Variants in LAMA4 observed in about 807,000 individuals in gnomAD.
The protein encoded by LAMA4 is laminin subunit alpha-4.
In LAMA4, 127 loss-of-function variants were observed where a neutral mutation model predicts 207.1. That is an observed-to-expected ratio of 0.61 (90% CI 0.53 to 0.71). LAMA4 has a LOEUF of 0.71. Among genes scored for constraint, LAMA4 ranks in the 30% least tolerant of loss-of-function variants. The probability of loss-of-function intolerance (pLI) is 0.00; values close to 1 mark genes in which losing one functional copy is unlikely to be tolerated. For synonymous variants in LAMA4, 761 were observed against 816.0 expected (o/e 0.93, Z 1.15); for missense variants, 2,093 against 2,246.5 (o/e 0.93, Z 1.38).
rs1778390841 is a variant in LAMA4, at chr6:112,122,008, C to T, written c.4475+6G>A. ...AGGAGTCTAGGAGTATAGTGTGTTA[C>T]TTTACTTGGCACCAAAATCTCCTTT... On this transcript the variant is annotated splice_donor_region_variant and intron_variant, in intron 32 of 38. Coordinates refer to ENST00000230538, the MANE Select transcript of LAMA4 (RefSeq NM_001105206.3). 2 of 1,613,378 alleles carry T rather than the reference C, an allele frequency of 1.2e-6. No individual in the cohort carries two copies. The highest frequency in any genetic ancestry group is 1.7e-6 in the Non-Finnish European group (2 of 1,179,422).
intron 31 of LAMA4, among the ~76,000 whole-genome samples, chr6:112,127,494 T>C (rs782415728): frequency 1.7e-4 from 26 of 151,854 alleles, no homozygotes; most frequent in South Asian, 2.1e-4. Context: ...CTAGGAATAG[T>C]TGGGAGGCCA....
At position 112,224,795 on chromosome 6, in the gene LAMA4, G is replaced by A. The variant is rs1249471714; in HGVS notation, c.196-8326C>T. Among the ~76,000 whole-genome samples the A allele has an allele frequency of 1.7e-4, 22 of 128,926 alleles. No homozygotes were observed. In the Admixed American group the frequency reaches 2.0e-3, roughly 12 times the overall value. 84.6% of individuals were successfully genotyped at this position (128,926 alleles called of 152,430 possible). On this transcript the variant is annotated intron_variant, in intron 2 of 38. Transcript: ENST00000230538. ...TGCGCCATTGCACTCCAGCCTGGGC[G>A]ACAGAGCAAGACTGTCTCAAAAAAA...
At chr6:112,234,706 A>T (rs545373536) in intron 2 of LAMA4, 5 of 152,314 alleles carry the variant, frequency 3.3e-5, no homozygotes, top group African/African-American at 1.2e-4. Flanking sequence ...AATGGAAGAG[A>T]AGACAAAAAA....
At chr6:112,175,606 A>G in intron 10 of LAMA4, 126 bp from the exon 11 acceptor site, 1 of 916,044 alleles carries the variant, frequency 1.1e-6, no homozygotes, top group Non-Finnish European at 1.8e-6. Flanking sequence ...GACTCATTCA[A>G]AAGCAGCGTG....
chr6:112,191,721 A>G lies in LAMA4; in HGVS notation c.633T>C (p.Asn211=), dbSNP rs782555068. ...TGAATCCGGTGGTGTTGCGTAAGCA[A>G]TTCCTACACTGGCCAGTGACTTCAT... The part of the protein sequence containing the change: ...DCDEVTGQCR[N]CLRNTTGFKC... Residue 211 remains asparagine (N), a synonymous_variant, in exon 6 of 39, where the codon AAT becomes AAC. Transcript: ENST00000230538. 6.2e-6 allele frequency: 10 copies of G among 1,613,966 alleles called. No individual in the cohort carries two copies. The East Asian group carries it at 1.3e-4, about 22-fold the overall frequency.
At chr6:112,119,485 AG>A (rs1397544728) in intron 33 of LAMA4, among the ~76,000 whole-genome samples, 174 bp from the exon 34 acceptor site, 6 of 152,144 alleles carry the variant, frequency 3.9e-5, no homozygotes, top group Non-Finnish European at 8.8e-5. Context: ...TCTGTTTAGT[AG>A]GCTTCTGGCA....
At chr6:112,177,218 T>C (rs972000975) in intron 10 of LAMA4, among the ~76,000 whole-genome samples, 2 of 152,224 alleles carry the variant, frequency 1.3e-5, no homozygotes, top group Admixed American at 6.5e-5. Flanking sequence ...TTATTGTTTA[T>C]AATAGACATC....
rs145897390 is a variant in LAMA4 at position 112,109,565 on chromosome 6, G to A, written c.5344C>T (p.Arg1782Cys). 1.6e-4 allele frequency: 261 copies of A among 1,614,076 alleles called. 1 individual carries two copies. Among genetic ancestry groups the A allele is most frequent in the African/African-American group, 1.1e-3 (85 of 75,030 alleles). The change falls in exon 39 of 39, where the codon CGC (arginine) becomes TGC (cysteine). Residue 1782 changes from arginine (R) to cysteine (C), a missense_variant. Arg to Cys is a radical substitution (Grantham distance 180, BLOSUM62 -3). This residue lies in a region of LAMA4 where 383 missense variants were observed against 437.8 expected (regional missense o/e 0.87). Coordinates refer to ENST00000230538, the MANE Select transcript of LAMA4 (RefSeq NM_001105206.3). ...GTGAAGGGTTTGCTGGGGGCCAAGC[G>A]TGGTGTCAGTAGAGATTCTGAAAAG... The part of the protein sequence containing the change: ...GGVPESLLTP[R>C]LAPSKPFTGC...
chr6:112,202,460 G>A (rs929849210), intron 4 of LAMA4, among the ~76,000 whole-genome samples: 1 of 151,988 alleles, frequency 6.6e-6, no homozygotes, highest in Non-Finnish European at 1.5e-5. Flanking sequence ...GTGTGTGTGT[G>A]TGTGTATGTA....
chr6:112,196,802 A>G (rs1783445081), intron 5 of LAMA4, among the ~76,000 whole-genome samples: 1 of 152,204 alleles, frequency 6.6e-6, no homozygotes, highest in African/African-American at 2.4e-5. Context: ...GAACATGAAA[A>G]GTGCTGTTGC....
rs200177134 is a variant in LAMA4 at position 112,114,132 on chromosome 6, G to A, written c.5270C>T (p.Pro1757Leu). The change falls in exon 38 of 39, where the codon CCC becomes CTC. Residue 1757 changes from proline (P) to leucine (L), a missense_variant. Pro to Leu is a moderately conservative substitution (Grantham distance 98). This residue lies in a region of LAMA4 where 383 missense variants were observed against 437.8 expected (regional missense o/e 0.87). Coordinates refer to ENST00000230538, the MANE Select transcript of LAMA4 (RefSeq NM_001105206.3). ...GTGATCAATTGGTTTTGGATTCAGG[G>A]GTCCAACCACATGGTTCACTTCAGA... ...VDSEVNHVVG[P>L]LNPKPIDHRE... 2.6e-4 allele frequency: 426 copies of A among 1,613,702 alleles called. 4 individuals carry two copies. Among genetic ancestry groups the A allele is most frequent in the South Asian group, 2.0e-3 (179 of 91,062 alleles).
At chr6:112,196,421 T>C (rs1783422528) in intron 5 of LAMA4, 1 of 152,146 alleles carries the variant, frequency 6.6e-6, no homozygotes, top group Non-Finnish European at 1.5e-5. Context: ...TCCTCATATG[T>C]GGGAGAACAT....
intron 6 of LAMA4, among the ~76,000 whole-genome samples, chr6:112,190,968 C>T (rs1412490837): frequency 7.9e-6 from 1 of 127,088 alleles, no homozygotes; most frequent in Non-Finnish European, 1.7e-5. Context: ...TTCTTTCTTT[C>T]TTTCTTTCTT....
At position 112,187,510 on chromosome 6, in the gene LAMA4, G is replaced by T. The variant is rs1554347129; in HGVS notation, c.906C>A (p.Ser302=). 1.2e-6 allele frequency: 2 copies of T among 1,613,960 alleles called. No individual in the cohort carries two copies. The highest frequency in any genetic ancestry group is 2.7e-5 in the African/African-American group (2 of 74,896). Reference sequence around the variant, plus strand: ...CGTGCCTATGAGCGGCGGCCCCAGAGGATACGCTCAGCACCCCGGATTTGC... The same window carrying T: ...CGTGCCTATGAGCGGCGGCCCCAGATGATACGCTCAGCACCCCGGATTTGC... ...EEGKSGVLSV[S]SGAAAHRHVN... Residue 302 remains serine, a synonymous_variant, in exon 8 of 39, where the codon TCC becomes TCA. Transcript: ENST00000230538.
chr6:112,154,776 A>G, intron 16 of LAMA4, 75 bp downstream of exon 16: 2 of 917,270 alleles, frequency 2.2e-6, no homozygotes, highest in East Asian at 4.8e-5. Flanking sequence ...TAGATTTGGA[A>G]ATCTCTGTCT....
chr6:112,254,026 A>G lies in LAMA4; in HGVS notation c.125T>C (p.Val42Ala). 1 of 1,593,118 alleles carries G rather than the reference A, an allele frequency of 6.3e-7. No homozygotes were observed. ...CGTCTCAGGCGGGTCTTGCCTGCCA[A>G]CCGCTGAGCTCCCTTCAATGTCAAA... ...FPFDIEGSSAVGRQDPPETSE... is the reference protein window; with the variant it reads ...FPFDIEGSSAAGRQDPPETSE... The change falls in exon 2 of 39, where the codon GTT becomes GCT. Residue 42 changes from valine to alanine, a missense_variant. Transcript: ENST00000230538.
chr6:112,158,908 T>C (rs1780886278), intron 13 of LAMA4, 28 bp from the exon 14 acceptor site: 5 of 1,482,414 alleles, frequency 3.4e-6, no homozygotes, highest in African/African-American at 1.4e-5. Flanking sequence ...AATAAATACA[T>C]TGAATTTAGA....
chr6:112,143,204 G>T (rs1554333743), intron 19 of LAMA4, among the ~76,000 whole-genome samples: 1 of 151,914 alleles, frequency 6.6e-6, no homozygotes, highest in African/African-American at 2.4e-5. Context: ...GCTAATGTGG[G>T]TGGTCAGTGA....
At chr6:112,222,357 T>C (rs1028057703) in intron 2 of LAMA4, among the ~76,000 whole-genome samples, 2 of 152,178 alleles carry the variant, frequency 1.3e-5, no homozygotes, top group Non-Finnish European at 2.9e-5. Context: ...GTTGGCATAA[T>C]AAAGCTAGGC....
Sources: gnomAD v4.1 joint callset for allele counts (sites outside exome capture counted in the v4.1 genomes callset) on GRCh38, gnomAD v4.1.1 for gene constraint, gnomAD v4.1.1 regional missense constraint, MANE v1.5 for transcripts, NCBI Gene and HGNC (gene_info 2026-07-23, HGNC 2026-07-21) for gene names.